RIMKLB: variants seen among roughly 807,000 people sequenced by gnomAD.
RIMKLB encodes ribosomal modification protein rimK like family member B, also known as beta-citrylglutamate synthase B.
Under a neutral mutation model 32.0 loss-of-function variants are expected in RIMKLB, and 7 were observed. The observed-to-expected ratio is 0.22, with a 90% CI of 0.12 to 0.41. The LOEUF is 0.41. Ranked by LOEUF, RIMKLB falls within the 10% of genes least tolerant of loss-of-function variation. The pLI, the probability that RIMKLB is intolerant of heterozygous loss-of-function variation, is 1.00. For synonymous variants in RIMKLB, 172 were observed against 185.1 expected, an observed-to-expected ratio of 0.93 and a Z score of 0.57; for missense variants, 289 against 498.7, an observed-to-expected ratio of 0.58 and a Z score of 4.00.
At chr12:8,771,564 TAAGAG>T (rs1950398003) in intron 5 of RIMKLB, among the ~76,000 whole-genome samples, 1 of 152,250 alleles carries the variant, frequency 6.6e-6, no homozygotes, top group African/African-American at 2.4e-5. Context: ...TCTTATATTG[TAAGAG>T]TCTAGCTTCA....
At chr12:8,739,926 C>T (rs1176438961) in intron 2 of RIMKLB, among the ~76,000 whole-genome samples, 1 of 151,934 alleles carries the variant, frequency 6.6e-6, no homozygotes, top group Non-Finnish European at 1.5e-5. Flanking sequence ...CTTTTTTTCC[C>T]AGACAGGGTC....
rs930986216 is a variant in RIMKLB at position 8,739,363 on chromosome 12, TAGAG to T, written c.176-10495_176-10492del. ...CTTTCTTTTTAAAAATTATTTTTCT[TAGAG>T]AGATGAGTTCTCACTATGTTGCCCA... On this transcript the variant is annotated intron_variant, in intron 2 of 5. Transcript: ENST00000535829. Among the ~76,000 whole-genome samples, 4 of 152,202 alleles carry T rather than the reference TAGAG, an allele frequency of 2.6e-5. 1 individual carries two copies. Among genetic ancestry groups the T allele is most frequent in the African/African-American group, 4.8e-5 (2 of 41,458 alleles).
the RIMKLB span, among the ~76,000 whole-genome samples, chr12:8,675,795 C>CT: frequency 0.018 from 2,448 of 133,006 alleles, 40 homozygotes; most frequent in African/African-American, 0.049. Context: ...TCTTGTTTTT[C>CT]TTTTTTTTTT....
the RIMKLB span, among the ~76,000 whole-genome samples, chr12:8,675,680 C>A: frequency 1.3e-5 from 2 of 152,150 alleles, no homozygotes; most frequent in African/African-American, 2.4e-5. Flanking sequence ...GACAGAGGAG[C>A]CTTTAGCAGG....
intron 2 of RIMKLB, among the ~76,000 whole-genome samples, chr12:8,722,561 A>T (rs1031713109): frequency 1.3e-5 from 2 of 152,214 alleles, no homozygotes; most frequent in African/African-American, 4.8e-5. Flanking sequence ...ACTTACAGTC[A>T]CCAGCTGCCT....
At position 8,713,951 on chromosome 12, in the gene RIMKLB, G is replaced by T; in HGVS notation, c.85G>T (p.Ala29Ser). The T allele has an allele frequency of 1.9e-6, 3 of 1,614,110 alleles. No individual in the cohort carries two copies. The highest frequency in any genetic ancestry group is 2.5e-6 in the Non-Finnish European group (3 of 1,179,998). Reference sequence around the variant, plus strand: ...CTATCCTCAAAAAGAGATTTTACGAGCATTGAAGGCCAAATGTTGTGAGGA... The same window carrying T: ...CTATCCTCAAAAAGAGATTTTACGATCATTGAAGGCCAAATGTTGTGAGGA... ...EDYPQKEILR[A>S]LKAKCCEEEL... is the part of the protein sequence containing the mutation. Residue 29 changes from alanine (A) to serine (S), a missense_variant, in exon 2 of 6, where the codon GCA (alanine) becomes TCA (serine). By Grantham distance (99) the Ala-to-Ser change is moderately conservative (BLOSUM62 1). Around this residue, in one of 3 missense-constraint regions of RIMKLB, gnomAD observed 34 missense variants for 35.3 expected, o/e 0.96. Transcript: ENST00000535829.
intron 2 of RIMKLB, among the ~76,000 whole-genome samples, chr12:8,718,707 GTGTA>G (rs1213461646): frequency 1.0e-4 from 15 of 148,520 alleles, no homozygotes; most frequent in South Asian, 2.1e-4. Flanking sequence ...GTGTGTGTGT[GTGTA>G]TAATCATTTT....
Position 8,750,078 on chromosome 12 carries a change from A to T in RIMKLB, c.392A>T (p.Asp131Val). The T allele has an allele frequency of 6.2e-7, 1 of 1,602,788 alleles. No homozygotes were observed. The highest frequency in any genetic ancestry group is 8.5e-7 in the Non-Finnish European group (1 of 1,170,006). ...ELAGHGVPLP[D>V]TFSYGGHENF... ...GCTGGCCATGGTGTTCCTCTGCCGGATACTTTCTCTTATGGTGAGCCTACT... is the reference window on the plus strand; with the variant it reads ...GCTGGCCATGGTGTTCCTCTGCCGGTTACTTTCTCTTATGGTGAGCCTACT... Residue 131 changes from aspartate (D) to valine (V), a missense_variant, in exon 3 of 6, where the codon GAT (aspartate) becomes GTT (valine). By Grantham distance (152) the Asp-to-Val change is radical (BLOSUM62 -3). Transcript: ENST00000535829.
At chr12:8,725,373 G>T (rs1299651949) in intron 2 of RIMKLB, among the ~76,000 whole-genome samples, 3 of 152,066 alleles carry the variant, frequency 2.0e-5, no homozygotes, top group African/African-American at 7.2e-5. Context: ...CACCTCCCCG[G>T]TTCCAGCGAT....
chr12:8,767,207 TTCTA>T (rs1342760639), intron 5 of RIMKLB, among the ~76,000 whole-genome samples: 2 of 152,378 alleles, frequency 1.3e-5, no homozygotes, highest in South Asian at 2.1e-4. Flanking sequence ...CCTTTACTAC[TTCTA>T]TCTTTCTCTT....
chr12:8,698,625 G>T (rs751383927), intron 1 of RIMKLB, among the ~76,000 whole-genome samples: 18 of 152,196 alleles, frequency 1.2e-4, no homozygotes, highest in Admixed American at 8.5e-4. Flanking sequence ...CCGGCGAGGG[G>T]GTGTGGTAAC....
chr12:8,745,017 C>T (rs1002246799), intron 2 of RIMKLB, among the ~76,000 whole-genome samples: 12 of 151,874 alleles, frequency 7.9e-5, no homozygotes, highest in African/African-American at 2.9e-4. Context: ...GCCAACGGGC[C>T]CGGTGTGTGA....
chr12:8,697,686 C>A (rs1195721524), upstream of RIMKLB: 1 of 301,112 alleles, frequency 3.3e-6, no homozygotes, highest in Admixed American at 3.4e-5. Flanking sequence ...GCTCCCTTTT[C>A]GCTCCCCGCG....
intron 2 of RIMKLB, among the ~76,000 whole-genome samples, chr12:8,724,746 G>C (rs1945816322): frequency 5.9e-5 from 9 of 152,176 alleles, no homozygotes; most frequent in Admixed American, 5.9e-4. Flanking sequence ...GTGGGATAGG[G>C]CTGGAGGCTG....
intron 1 of RIMKLB, among the ~76,000 whole-genome samples, chr12:8,687,930 G>C (rs1245760385): frequency 6.6e-6 from 1 of 152,102 alleles, no homozygotes; most frequent in African/African-American, 2.4e-5. Flanking sequence ...TTAGGACTTG[G>C]AGAACTGCAG....
the RIMKLB span, among the ~76,000 whole-genome samples, chr12:8,672,210 C>G: frequency 2.6e-3 from 389 of 152,328 alleles, 3 homozygotes; most frequent in African/African-American, 9.1e-3. Context: ...GGTCATTCAA[C>G]AAGTCTCTAG....
rs1950716588 is a variant in RIMKLB, at chr12:8,776,208, A to T, written c.*2424A>T. 7 of 981,318 alleles carry T rather than the reference A, an allele frequency of 7.1e-6. No individual in the cohort carries two copies. The highest frequency in any genetic ancestry group is 8.5e-6 in the Non-Finnish European group (7 of 826,198). 60.8% of individuals were successfully genotyped at this position (981,318 alleles called of 1,614,324 possible). A position where few individuals can be genotyped will look rare whatever the true frequency, so the allele number is the denominator to read the frequency against. ...ATTAACCAACTATATTATAGGAAAT[A>T]TGTGAAATTAGTTCATTAGCTTTAT... On this transcript the variant is annotated 3_prime_UTR_variant, in exon 6 of 6. Transcript: ENST00000535829.
At chr12:8,711,700 A>G (rs2136925123) in intron 1 of RIMKLB, among the ~76,000 whole-genome samples, 1 of 150,656 alleles carries the variant, frequency 6.6e-6, no homozygotes, top group Non-Finnish European at 1.5e-5. Flanking sequence ...CATTTTTACA[A>G]TTCCTTCATC....
At position 8,725,437 on chromosome 12, in the gene RIMKLB, G is replaced by A. The variant is rs116800739; in HGVS notation, c.175+11396G>A. ...GGATTACAGGTGCACGCCAGCACGC[G>A]CAGCTAATTTTTGTGTTTGTAGTAG... is the stretch of plus-strand genomic sequence containing the variant. On this transcript the variant is annotated intron_variant, in intron 2 of 5. Transcript: ENST00000535829. Among the ~76,000 whole-genome samples the A allele has an allele frequency of 5.1e-3, 771 of 152,094 alleles. 8 individuals are homozygous for A. Among genetic ancestry groups the A allele is most frequent in the African/African-American group, 0.017 (713 of 41,506 alleles).
Sources: gnomAD v4.1 joint callset for allele counts (sites outside exome capture counted in the v4.1 genomes callset) on GRCh38, gnomAD v4.1.1 for gene constraint, gnomAD v4.1.1 regional missense constraint, MANE v1.5 for transcripts, NCBI Gene and HGNC (gene_info 2026-07-23, HGNC 2026-07-21) for gene names.